The following SGIP1 variants were observed in gnomAD, a reference collection of about 807,000 sequenced individuals.
SGIP1 encodes the protein SH3GL interacting endocytic adaptor 1.
In SGIP1, 38 loss-of-function variants were observed where a neutral mutation model predicts 107.5. The observed-to-expected ratio is 0.35, with a 90% CI of 0.27 to 0.46. The LOEUF is 0.46. Ranked by LOEUF, SGIP1 falls within the 20% of genes least tolerant of loss-of-function variation. The probability of loss-of-function intolerance (pLI) is 1.00; values close to 1 mark genes in which losing one functional copy is unlikely to be tolerated. For missense variants in SGIP1, 929 were observed against 1,019.5 expected, an observed-to-expected ratio of 0.91 and a Z score of 1.21; for synonymous variants, 365 against 366.1, an observed-to-expected ratio of 1.00 and a Z score of 0.03.
Position 66,741,431 on chromosome 1 carries a change from C to T in SGIP1, c.2459C>T (p.Ala820Val). Residue 820 changes from alanine (A) to valine (V), a missense_variant, in exon 24 of 25, where the codon GCT becomes GTT. Ala to Val is a moderately conservative substitution (Grantham distance 64). This residue lies in a region of SGIP1 where 341 missense variants were observed against 430.9 expected (regional missense o/e 0.79). Coordinates refer to ENST00000371037, the MANE Select transcript of SGIP1 (RefSeq NM_032291.4). The stretch of plus-strand genomic sequence containing the variant: ...TTTTCACTCATCAAGAAAAGGTTTG[C>T]TGCAGGTAAATGAGTATCTTGATTT... ...YRFSLIKKRF[A>V]AGKYLADN is the part of the protein sequence containing the mutation. The T allele has an allele frequency of 3.2e-6, 5 of 1,577,228 alleles. No homozygotes were observed. Among genetic ancestry groups the T allele is most frequent in the Non-Finnish European group, 4.3e-6 (5 of 1,161,924 alleles).
At chr1:66,550,326 G>A (rs2057219836) in intron 1 of SGIP1, among the ~76,000 whole-genome samples, 1 of 152,004 alleles carries the variant, frequency 6.6e-6, no homozygotes, top group Non-Finnish European at 1.5e-5. Flanking sequence ...CTCTTAATAG[G>A]CAATAGCCCT....
chr1:66,715,227 A>T (rs1303916340), intron 18 of SGIP1, among the ~76,000 whole-genome samples: 1 of 152,216 alleles, frequency 6.6e-6, no homozygotes. Flanking sequence ...GGAAAATGAT[A>T]TGTAGACCAA....
At chr1:66,699,487 A>G (rs568991985) in intron 18 of SGIP1, among the ~76,000 whole-genome samples, 1 of 152,288 alleles carries the variant, frequency 6.6e-6, no homozygotes, top group Admixed American at 6.5e-5. Context: ...TGCTGGCTCC[A>G]GGGCCTCTTG....
At chr1:66,733,923 T>C in intron 21 of SGIP1, 43 bp downstream of exon 21, 1 of 1,579,376 alleles carries the variant, frequency 6.3e-7, no homozygotes, top group Non-Finnish European at 8.6e-7. Context: ...ACATGACATA[T>C]TTGTTTTCTA....
chr1:66,614,506 T>G (rs2068731717), intron 1 of SGIP1, among the ~76,000 whole-genome samples: 2 of 152,212 alleles, frequency 1.3e-5, no homozygotes, highest in Non-Finnish European at 2.9e-5. Context: ...TCCAAAGAAT[T>G]TAGAGCATAT....
chr1:66,591,402 C>T (rs2063597113), intron 1 of SGIP1, among the ~76,000 whole-genome samples: 1 of 152,114 alleles, frequency 6.6e-6, no homozygotes, highest in Admixed American at 6.5e-5. Context: ...TGATAAAGTT[C>T]CTTCTTTTTC....
At chr1:66,644,158 G>C (rs1172903903) in intron 7 of SGIP1, 1 of 151,920 alleles carries the variant, frequency 6.6e-6, no homozygotes, top group Non-Finnish European at 1.5e-5. Flanking sequence ...TTTTTGTATT[G>C]CTATGCTCTA....
At chr1:66,589,200 A>ATGTGTGTGTGTG (rs1456595605) in intron 1 of SGIP1, among the ~76,000 whole-genome samples, 12 of 54,474 alleles carry the variant, frequency 2.2e-4, no homozygotes, top group Non-Finnish European at 3.9e-4. Flanking sequence ...ATATATATAT[A>ATGTGTGTGTGTG]TATATATATA....
At chr1:66,664,158 A>G (rs67687377) in intron 8 of SGIP1, among the ~76,000 whole-genome samples, 20,927 of 152,196 alleles carry the variant, frequency 0.14, 2,283 homozygotes, top group East Asian at 0.52. Context: ...CTAAATTTTC[A>G]TATAAAAAAG....
chr1:66,602,163 A>G (rs559969810), intron 1 of SGIP1, among the ~76,000 whole-genome samples: 1 of 152,330 alleles, frequency 6.6e-6, no homozygotes, highest in East Asian at 1.9e-4. Flanking sequence ...TTGAAAGTCC[A>G]AATAGATCCA....
chr1:66,628,011 C>T (rs2073333892), intron 2 of SGIP1, among the ~76,000 whole-genome samples: 1 of 148,372 alleles, frequency 6.7e-6, no homozygotes, highest in Non-Finnish European at 1.5e-5. Flanking sequence ...GATTTTTTGT[C>T]CTCGCGATAG....
In SGIP1 at chr1:66,661,282, G is replaced by A. The variant is rs1185036053; in HGVS notation, c.471+758G>A. Among the ~76,000 whole-genome samples, 4 of 152,200 alleles carry A rather than the reference G, an allele frequency of 2.6e-5. No individual in the cohort carries two copies. In the East Asian group the frequency reaches 7.7e-4, roughly 29 times the overall value. ...GAGGTGACCTCTCTGCTGGAAAATA[G>A]GAAGATATTATGTTCCATGTTCACA... On this transcript the variant is annotated intron_variant, in intron 8 of 24. Coordinates refer to ENST00000371037, the MANE Select transcript of SGIP1 (RefSeq NM_032291.4).
At chr1:66,695,116 G>A in intron 17 of SGIP1, 1 of 458,410 alleles carries the variant, frequency 2.2e-6, no homozygotes, top group African/African-American at 2.0e-5. Flanking sequence ...AATTAGTGCA[G>A]TTAAAATATG....
intron 15 of SGIP1, among the ~76,000 whole-genome samples, chr1:66,688,338 C>G (rs1389262593): frequency 1.3e-5 from 2 of 152,184 alleles, no homozygotes; most frequent in African/African-American, 4.8e-5. Context: ...AGGCAGATGC[C>G]TGAATCCAGA....
intron 1 of SGIP1, among the ~76,000 whole-genome samples, chr1:66,557,412 C>T (rs543479297): frequency 1.3e-5 from 2 of 152,210 alleles, no homozygotes; most frequent in African/African-American, 4.8e-5. Flanking sequence ...GTGAAAATTG[C>T]TCAGTATTGC....
chr1:66,643,777 G>A (rs2077176887), intron 7 of SGIP1, 58 bp downstream of exon 7: 4 of 1,449,764 alleles, frequency 2.8e-6, no homozygotes, highest in Non-Finnish European at 1.8e-6. Context: ...GCTATGTTCT[G>A]CCTATATGCA....
chr1:66,555,516 C>A (rs577712406), intron 1 of SGIP1, among the ~76,000 whole-genome samples: 1 of 152,228 alleles, frequency 6.6e-6, no homozygotes, highest in Admixed American at 6.5e-5. Flanking sequence ...CAATCCCAGG[C>A]TCATAATAAA....
chr1:66,742,497 T>A (rs2094485113), intron 24 of SGIP1, among the ~76,000 whole-genome samples: 1 of 131,144 alleles, frequency 7.6e-6, no homozygotes, highest in African/African-American at 3.0e-5. Flanking sequence ...TGAGACGGAG[T>A]CTCACTCTGT....
At chr1:66,730,303 C>A (rs2093949191) in intron 20 of SGIP1, among the ~76,000 whole-genome samples, 1 of 152,016 alleles carries the variant, frequency 6.6e-6, no homozygotes, top group Non-Finnish European at 1.5e-5. Flanking sequence ...AACTATTAAA[C>A]CTGAATTTGA....
Sources: gnomAD v4.1 joint callset for allele counts (sites outside exome capture counted in the v4.1 genomes callset) on GRCh38, gnomAD v4.1.1 for gene constraint, gnomAD v4.1.1 regional missense constraint, MANE v1.5 for transcripts, NCBI Gene and HGNC (gene_info 2026-07-23, HGNC 2026-07-21) for gene names.